MEGF10: variants seen among roughly 807,000 people sequenced by gnomAD.
MEGF10 encodes the protein multiple EGF like domains 10.
In MEGF10, 86 loss-of-function variants were observed where a neutral mutation model predicts 147.5. The observed-to-expected ratio is 0.58, with a 90% CI of 0.49 to 0.70. The LOEUF is 0.70. Among genes scored for constraint, MEGF10 ranks in the 30% least tolerant of loss-of-function variants. The pLI is 0.00. For missense variants in MEGF10, 1,329 were observed against 1,487.3 expected (o/e 0.89, Z 1.75); for synonymous variants, 478 against 525.5 (o/e 0.91, Z 1.24).
chr5:127,449,362 G>A, intron 22 of MEGF10, 140 bp downstream of exon 22: 2 of 1,110,108 alleles, frequency 1.8e-6, no homozygotes, highest in Non-Finnish European at 2.6e-6. Context: ...CCTAACACCT[G>A]TACAGGGCTA....
chr5:127,394,773 A>G (rs1421130543), intron 5 of MEGF10, among the ~76,000 whole-genome samples: 1 of 152,214 alleles, frequency 6.6e-6, no homozygotes, highest in Non-Finnish European at 1.5e-5. Context: ...TTGTGAAAGA[A>G]GATTGTGAGT....
At chr5:127,276,795 A>T in the MEGF10 span, among the ~76,000 whole-genome samples, 1 of 152,196 alleles carries the variant, frequency 6.6e-6, no homozygotes, top group Non-Finnish European at 1.5e-5. Context: ...ATGAATAAGT[A>T]AATTATATAG....
rs139040080 is a variant in MEGF10, at chr5:127,423,942, A to G, written c.1693+1170A>G. 3.3e-4 allele frequency among the ~76,000 whole-genome samples: 51 copies of G among 152,260 alleles called. No homozygotes were observed. In the East Asian group the frequency reaches 9.3e-3, roughly 28 times the overall value. On this transcript the variant is annotated intron_variant, in intron 13 of 24. Coordinates refer to ENST00000503335, the MANE Select transcript of MEGF10 (RefSeq NM_001256545.2). ...CTTTTGGTGTTAAATGTAAAAAAAC[A>G]TTGCCTGATCCAAGGTCACAAGATT...
At position 127,449,079 on chromosome 5, in the gene MEGF10, G is replaced by C. The variant is rs764991952; in HGVS notation, c.2857-20G>C. 3.1e-6 allele frequency: 5 copies of C among 1,613,290 alleles called. No individual in the cohort carries two copies. Among genetic ancestry groups the C allele is most frequent in the Non-Finnish European group, 4.2e-6 (5 of 1,179,738 alleles). On this transcript the variant is annotated intron_variant, in intron 21 of 24. Coordinates refer to ENST00000503335, the MANE Select transcript of MEGF10 (RefSeq NM_001256545.2). Reference sequence around the variant, plus strand: ...CATTGTATTTTGTTTTTAATCTTTCGTTGTTTATATTTTTAACAGTCAAAA... The same window carrying C: ...CATTGTATTTTGTTTTTAATCTTTCCTTGTTTATATTTTTAACAGTCAAAA...
intron 4 of MEGF10, among the ~76,000 whole-genome samples, chr5:127,347,271 C>A (rs1287143599): frequency 6.6e-6 from 1 of 151,882 alleles, no homozygotes; most frequent in Non-Finnish European, 1.5e-5. Flanking sequence ...TGTGTGTATA[C>A]ATATATATTG....
At chr5:127,392,047 C>A (rs17164996) in intron 5 of MEGF10, among the ~76,000 whole-genome samples, 26,279 of 151,940 alleles carry the variant, frequency 0.17, 2,452 homozygotes, top group African/African-American at 0.25. Context: ...AAAGTGAATG[C>A]CATGGAAAAT....
chr5:127,269,160 A>C, the MEGF10 span, among the ~76,000 whole-genome samples: 1 of 152,250 alleles, frequency 6.6e-6, no homozygotes, highest in East Asian at 1.9e-4. Context: ...GAAATGCTGA[A>C]AATTCTAAAA....
At chr5:127,338,009 G>A (rs971689595) in intron 2 of MEGF10, among the ~76,000 whole-genome samples, 3 of 152,054 alleles carry the variant, frequency 2.0e-5, no homozygotes, top group Non-Finnish European at 4.4e-5. Context: ...TCCTATTGAA[G>A]CCTGATACAT....
rs1765910939 is a variant in MEGF10 at position 127,445,531 on chromosome 5, A to G, written c.2566A>G (p.Ile856Val). ...TGCTCTCCCTGCTGATTCCTACCAG[A>G]TCGGGGCCATTGCAGGCATCATCAT... ...STALPADSYQ[I>V]GAIAGIIILV... Residue 856 changes from isoleucine (I) to valine (V), a missense_variant, in exon 20 of 25, where the codon ATC becomes GTC. By Grantham distance (29) the Ile-to-Val change is conservative. Transcript: ENST00000503335. The G allele has an allele frequency of 6.2e-7, 1 of 1,614,046 alleles. No individual in the cohort carries two copies. The highest frequency in any genetic ancestry group is 8.5e-7 in the Non-Finnish European group (1 of 1,180,000).
At chr5:127,319,442 C>A (rs565984403) in intron 1 of MEGF10, among the ~76,000 whole-genome samples, 1 of 152,228 alleles carries the variant, frequency 6.6e-6, no homozygotes, top group African/African-American at 2.4e-5. Flanking sequence ...ATAGTGGACT[C>A]GTCTCTATGT....
chr5:127,281,136 C>T, the MEGF10 span, among the ~76,000 whole-genome samples: 11 of 152,290 alleles, frequency 7.2e-5, no homozygotes, highest in Non-Finnish European at 1.5e-4. Flanking sequence ...AGACCAGTTC[C>T]GAGGAATGAT....
In MEGF10 at chr5:127,304,458, C is replaced by T. The variant is rs550030561; in HGVS notation, c.-19+13402C>T. Among the ~76,000 whole-genome samples the T allele has an allele frequency of 3.3e-5, 5 of 152,238 alleles. No homozygotes were observed. In the South Asian group the frequency reaches 1.0e-3, roughly 32 times the overall value. On this transcript the variant is annotated intron_variant, in intron 1 of 24. Coordinates refer to ENST00000503335, the MANE Select transcript of MEGF10 (RefSeq NM_001256545.2). Reference sequence around the variant, plus strand: ...CCATGAGCTGGGATGAAATAGCCAACTAGAACAACTATCAGGACGTATGTT... The same window carrying T: ...CCATGAGCTGGGATGAAATAGCCAATTAGAACAACTATCAGGACGTATGTT...
intron 4 of MEGF10, among the ~76,000 whole-genome samples, chr5:127,361,393 T>G (rs1483494311): frequency 6.6e-6 from 1 of 151,966 alleles, no homozygotes; most frequent in Non-Finnish European, 1.5e-5. Context: ...CTAATACCAG[T>G]AATTTGTGTC....
chr5:127,412,176 A>G (rs1366423158), intron 9 of MEGF10, among the ~76,000 whole-genome samples: 1 of 152,260 alleles, frequency 6.6e-6, no homozygotes, highest in African/African-American at 2.4e-5. Context: ...GATCAATAAC[A>G]CTAAAATCTG....
chr5:127,355,124 G>T (rs971207624), intron 4 of MEGF10, among the ~76,000 whole-genome samples: 5 of 152,124 alleles, frequency 3.3e-5, no homozygotes, highest in Non-Finnish European at 7.4e-5. Flanking sequence ...GGTGAGAAGA[G>T]TTAGCCTTCG....
chr5:127,446,474 T>C (rs1765945358), intron 20 of MEGF10, among the ~76,000 whole-genome samples: 1 of 152,168 alleles, frequency 6.6e-6, no homozygotes, highest in African/African-American at 2.4e-5. Context: ...AAAAGGAAAG[T>C]TGCAGAGTAG....
Position 127,458,265 on chromosome 5 carries a change from G to C in MEGF10, c.*947G>C, listed in dbSNP as rs1464244958. 6.6e-6 allele frequency: 1 copy of C among 152,200 alleles called. No homozygotes were observed. The highest frequency in any genetic ancestry group is 1.5e-5 in the Non-Finnish European group (1 of 68,032). The allele number at this position is 152,200 out of a possible 1,614,324, so 9.4% of individuals were successfully genotyped here. ...GTTCTGTAAACCATTAGTAATACAT[G>C]CTGTAATATAGAATTAGTGGAACAT... On this transcript the variant is annotated 3_prime_UTR_variant, in exon 25 of 25. Coordinates refer to ENST00000503335, the MANE Select transcript of MEGF10 (RefSeq NM_001256545.2).
At chr5:127,252,333 G>A in the MEGF10 span, among the ~76,000 whole-genome samples, 1 of 151,698 alleles carries the variant, frequency 6.6e-6, no homozygotes, top group African/African-American at 2.4e-5. Context: ...GATCATGGCA[G>A]GTTTGTTCAT....
the MEGF10 span, among the ~76,000 whole-genome samples, chr5:127,261,268 A>C: frequency 6.6e-6 from 1 of 151,960 alleles, no homozygotes; most frequent in African/African-American, 2.4e-5. Context: ...CTTATACCCC[A>C]CTGTCTGGCT....
Sources: allele counts gnomAD v4.1 joint callset (sites outside exome capture counted in the v4.1 genomes callset), GRCh38; gene constraint gnomAD v4.1.1; transcripts MANE v1.5; gene names NCBI Gene and HGNC (gene_info 2026-07-23, HGNC 2026-07-21).